Variants in DAP observed in about 807,000 individuals in gnomAD.
DAP encodes death associated protein.
DAP carries 8 observed loss-of-function variants against 13.8 expected under a neutral mutation model. That is an observed-to-expected ratio of 0.58 (90% CI 0.34 to 1.05). The LOEUF (loss-of-function observed/expected upper bound fraction) is 1.05. Among genes scored for constraint, DAP ranks in the 50% least tolerant of loss-of-function variants. The probability of loss-of-function intolerance (pLI) is 0.03; values close to 1 mark genes in which losing one functional copy is unlikely to be tolerated. For missense variants in DAP, 106 were observed against 133.2 expected, an observed-to-expected ratio of 0.80 and a Z score of 1.01; for synonymous variants, 47 against 47.5, an observed-to-expected ratio of 0.99 and a Z score of 0.04.
At chr5:10,735,735 T>A (rs1436777536) in intron 2 of DAP, among the ~76,000 whole-genome samples, 1 of 152,168 alleles carries the variant, frequency 6.6e-6, no homozygotes, top group Non-Finnish European at 1.5e-5. Flanking sequence ...AACACTGGCA[T>A]AGGGGAAGAG....
At chr5:10,725,020 T>G (rs1338038545) in intron 2 of DAP, among the ~76,000 whole-genome samples, 1 of 152,204 alleles carries the variant, frequency 6.6e-6, no homozygotes, top group Non-Finnish European at 1.5e-5. Flanking sequence ...GGGCTTGGCC[T>G]CGCTAAGGCT....
chr5:10,737,645 G>A (rs1739649825), intron 2 of DAP, among the ~76,000 whole-genome samples: 1 of 152,264 alleles, frequency 6.6e-6, no homozygotes, highest in African/African-American at 2.4e-5. Context: ...CACATTGCTG[G>A]GCCATCTTTT....
At chr5:10,701,370 G>C (rs774559304) in intron 2 of DAP, among the ~76,000 whole-genome samples, 1 of 152,164 alleles carries the variant, frequency 6.6e-6, no homozygotes, top group Non-Finnish European at 1.5e-5. Flanking sequence ...GATGCAATCT[G>C]CTGCTTTTCC....
rs758154834 is a variant in DAP, at chr5:10,753,103, C to T, written c.56-4832G>A. Reference sequence around the variant, plus strand: ...CAGGACCTCCGTCATTACATCACCACCTGAGGAAGCTTTGGGAGAATCACA... The same window carrying T: ...CAGGACCTCCGTCATTACATCACCATCTGAGGAAGCTTTGGGAGAATCACA... On this transcript the variant is annotated intron_variant, in intron 1 of 3. Coordinates refer to ENST00000230895, the MANE Select transcript of DAP (RefSeq NM_004394.3). Among the ~76,000 whole-genome samples, 10 of 152,292 alleles carry T rather than the reference C, an allele frequency of 6.6e-5. 1 individual carries two copies. Among genetic ancestry groups the T allele is most frequent in the Admixed American group, 5.9e-4 (9 of 15,296 alleles).
At chr5:10,720,403 T>G (rs760153220) in intron 2 of DAP, among the ~76,000 whole-genome samples, 1 of 152,144 alleles carries the variant, frequency 6.6e-6, no homozygotes. Flanking sequence ...GGAAGAGGTA[T>G]GTGGATGGAC....
intron 2 of DAP, among the ~76,000 whole-genome samples, chr5:10,729,517 T>A (rs770116332): frequency 1.3e-5 from 2 of 152,228 alleles, no homozygotes. Flanking sequence ...TCATTTATAA[T>A]CTTCTTTATT....
chr5:10,717,037 T>C (rs1174439505), intron 2 of DAP, among the ~76,000 whole-genome samples: 2 of 152,198 alleles, frequency 1.3e-5, no homozygotes, highest in Non-Finnish European at 2.9e-5. Context: ...TTGGCACTCC[T>C]GATTCACCGC....
In DAP at chr5:10,680,692, C is replaced by G. The variant is rs1737962167; in HGVS notation, c.*364G>C. 2 of 1,519,560 alleles carry G rather than the reference C, an allele frequency of 1.3e-6. No homozygotes were observed. The highest frequency in any genetic ancestry group is 2.8e-5 in the African/African-American group (2 of 72,538). 94.1% of individuals were successfully genotyped at this position (1,519,560 alleles called of 1,614,324 possible). ...GCAATGACTGAGGTTTTCTCCTAAC[C>G]TTAATCTCATCTTCTCAAATGTGTG... On this transcript the variant is annotated 3_prime_UTR_variant, in exon 4 of 4. Transcript: ENST00000230895.
intron 2 of DAP, among the ~76,000 whole-genome samples, chr5:10,743,468 C>A (rs1739812768): frequency 6.6e-6 from 1 of 152,188 alleles, no homozygotes; most frequent in Non-Finnish European, 1.5e-5. Flanking sequence ...ATTTCTGTTT[C>A]TTCCTTCTTT....
chr5:10,735,055 G>C (rs369307497), intron 2 of DAP, among the ~76,000 whole-genome samples: 2 of 151,982 alleles, frequency 1.3e-5, no homozygotes, highest in Non-Finnish European at 2.9e-5. Flanking sequence ...TGGTTAACGG[G>C]GTAATGAGTT....
chr5:10,756,380 A>AC (rs1438162958), intron 1 of DAP, among the ~76,000 whole-genome samples: 35 of 91,602 alleles, frequency 3.8e-4, no homozygotes, highest in Non-Finnish European at 4.4e-4. Context: ...TGTTTCTAGC[A>AC]ATGGATAATC....
At chr5:10,756,731 A>G (rs1740192721) in intron 1 of DAP, among the ~76,000 whole-genome samples, 1 of 152,238 alleles carries the variant, frequency 6.6e-6, no homozygotes, top group South Asian at 2.1e-4. Flanking sequence ...TGTATTTAAC[A>G]AAGAGATTTT....
At chr5:10,752,619 G>C (rs1740073597) in intron 1 of DAP, among the ~76,000 whole-genome samples, 1 of 152,064 alleles carries the variant, frequency 6.6e-6, no homozygotes, top group East Asian at 1.9e-4. Context: ...AGAACCTTGG[G>C]ATCAAATCCC....
chr5:10,680,575 A>G lies in DAP; in HGVS notation c.*481T>C, dbSNP rs1463809461. On this transcript the variant is annotated 3_prime_UTR_variant, in exon 4 of 4. Coordinates refer to ENST00000230895, the MANE Select transcript of DAP (RefSeq NM_004394.3). ...TTTGGCATTGCTGTTCCCTGCCTCTAAGGTCCTTTATGAGGGGCCGCCCAA... is the reference window on the plus strand; with the variant it reads ...TTTGGCATTGCTGTTCCCTGCCTCTGAGGTCCTTTATGAGGGGCCGCCCAA... 4.3e-6 allele frequency: 3 copies of G among 700,396 alleles called. No individual in the cohort carries two copies. The highest frequency in any genetic ancestry group is 7.0e-6 in the Non-Finnish European group (3 of 427,370). 43.4% of individuals were successfully genotyped at this position (700,396 alleles called of 1,614,324 possible).
chr5:10,694,056 G>A (rs949240261), intron 2 of DAP, among the ~76,000 whole-genome samples: 8 of 151,344 alleles, frequency 5.3e-5, no homozygotes, highest in Non-Finnish European at 7.4e-5. Flanking sequence ...CAAGGGCTGT[G>A]CTCTTCAGTC....
At chr5:10,721,542 G>A (rs62338815) in intron 2 of DAP, among the ~76,000 whole-genome samples, 8,270 of 152,278 alleles carry the variant, frequency 0.054, 268 homozygotes, top group South Asian at 0.082. Flanking sequence ...GGAAGAGTAT[G>A]CATGGAATAC....
chr5:10,737,862 TC>T (rs1408223051), intron 2 of DAP, among the ~76,000 whole-genome samples: 1 of 152,174 alleles, frequency 6.6e-6, no homozygotes, highest in African/African-American at 2.4e-5. Flanking sequence ...TAAAATGAAG[TC>T]ATCAGGATGG....
At chr5:10,689,344 A>G (rs1738239618) in intron 2 of DAP, among the ~76,000 whole-genome samples, 1 of 152,084 alleles carries the variant, frequency 6.6e-6, no homozygotes, top group African/African-American at 2.4e-5. Flanking sequence ...TGGGGGCTAA[A>G]GGAGACCCCC....
chr5:10,712,470 G>A (rs1483909484), intron 2 of DAP, among the ~76,000 whole-genome samples: 1 of 152,190 alleles, frequency 6.6e-6, no homozygotes, highest in African/African-American at 2.4e-5. Flanking sequence ...GGGTATGGAG[G>A]GACTGGGAGA....
Sources: gnomAD v4.1 joint callset for allele counts (sites outside exome capture counted in the v4.1 genomes callset) on GRCh38, gnomAD v4.1.1 for gene constraint, MANE v1.5 for transcripts, NCBI Gene and HGNC (gene_info 2026-07-23, HGNC 2026-07-21) for gene names.